NDC80: variants seen among roughly 807,000 people sequenced by gnomAD.
NDC80 encodes the protein NDC80 kinetochore complex component.
In NDC80, 69 loss-of-function variants were observed where a neutral mutation model predicts 89.3. That is an observed-to-expected ratio of 0.77 (90% CI 0.64 to 0.94). The LOEUF (loss-of-function observed/expected upper bound fraction) is 0.94, where lower values mean the gene tolerates loss of function less well. NDC80 is among the 40% of genes least tolerant of loss of function. The probability of loss-of-function intolerance (pLI) is 0.00; values close to 1 mark genes in which losing one functional copy is unlikely to be tolerated. For synonymous variants in NDC80, 243 were observed against 255.6 expected, an observed-to-expected ratio of 0.95 and a Z score of 0.47; for missense variants, 593 against 739.6, an observed-to-expected ratio of 0.80 and a Z score of 2.30.
intron 2 of NDC80, among the ~76,000 whole-genome samples, 185 bp downstream of exon 2, chr18:2,573,271 TTG>T (rs1399345851): frequency 6.6e-6 from 1 of 152,216 alleles, no homozygotes; most frequent in Non-Finnish European, 1.5e-5. Flanking sequence ...TAGGTGTTGT[TTG>T]TGTCATTTGT....
chr18:2,610,646 AT>A (rs2072738128), intron 15 of NDC80, 112 bp from the exon 16 acceptor site: 1 of 570,390 alleles, frequency 1.8e-6, no homozygotes, highest in African/African-American at 1.9e-5. Context: ...TATGCAGCAC[AT>A]AAATCAATCA....
chr18:2,593,762 T>A, intron 10 of NDC80: 1 of 237,568 alleles, frequency 4.2e-6, no homozygotes, highest in Non-Finnish European at 8.6e-6. Flanking sequence ...CAAAGTAAGA[T>A]GATTTTCCTG....
At chr18:2,610,968 A>C in intron 16 of NDC80, 107 bp downstream of exon 16, 1 of 719,144 alleles carries the variant, frequency 1.4e-6, no homozygotes, top group Non-Finnish European at 2.0e-6. Flanking sequence ...TTTCTATTTA[A>C]AGTATGATCT....
intron 7 of NDC80, among the ~76,000 whole-genome samples, chr18:2,586,984 T>C (rs2072605828): frequency 6.6e-6 from 1 of 152,222 alleles, no homozygotes; most frequent in African/African-American, 2.4e-5. Flanking sequence ...TTAAGGAAAC[T>C]GATTCAGTCT....
intron 10 of NDC80, among the ~76,000 whole-genome samples, chr18:2,593,212 G>T (rs572179173): frequency 6.6e-6 from 1 of 151,812 alleles, no homozygotes; most frequent in African/African-American, 2.4e-5. Flanking sequence ...GTGCCACCAC[G>T]CCTGGCTAAT....
At chr18:2,575,373 T>C (rs2072541151) in intron 3 of NDC80, among the ~76,000 whole-genome samples, 1 of 152,194 alleles carries the variant, frequency 6.6e-6, no homozygotes, top group African/African-American at 2.4e-5. Context: ...GCCATGCCTG[T>C]AATCCCAGCG....
rs1203254717 is a variant in NDC80, at chr18:2,614,625, GA to G, written c.1792-1809del. On this transcript the variant is annotated intron_variant, in intron 16 of 16. Coordinates refer to ENST00000261597, the MANE Select transcript of NDC80 (RefSeq NM_006101.3). The stretch of plus-strand genomic sequence containing the variant: ...AGAAAGAAAGAAAGAAAGAAAGAAA[GA>G]AAGAAAGAAAGAAAGAAAGAAAGAA... Among the ~76,000 whole-genome samples the G allele has an allele frequency of 8.3e-3, 117 of 14,026 alleles. 17 individuals are homozygous for G. Among genetic ancestry groups the G allele is most frequent in the Non-Finnish European group, 0.01 (79 of 7,634 alleles). 9.2% of individuals were successfully genotyped at this position (14,026 alleles called of 152,430 possible). A position where few individuals can be genotyped will look rare whatever the true frequency, so the allele number is the denominator to read the frequency against.
In NDC80 at chr18:2,614,775, G is replaced by A. The variant is rs114820784; in HGVS notation, c.1792-1662G>A. Among the ~76,000 whole-genome samples, 756 of 152,274 alleles carry A rather than the reference G, an allele frequency of 5.0e-3. 5 individuals carry two copies. The highest frequency in any genetic ancestry group is 0.018 in the African/African-American group (729 of 41,532). ...GAATAGTGCCCCCCGCAAAAGTCAT[G>A]TCTATCCTAAATCACAGAAGGTGAG... On this transcript the variant is annotated intron_variant, in intron 16 of 16. Transcript: ENST00000261597.
chr18:2,581,878 C>A (rs1010570473), intron 6 of NDC80, among the ~76,000 whole-genome samples: 2 of 152,048 alleles, frequency 1.3e-5, no homozygotes, highest in African/African-American at 4.8e-5. Context: ...CAGATTTTAA[C>A]AAAATCTTGT....
chr18:2,585,232 T>C, intron 7 of NDC80, 30 bp downstream of exon 7: 1 of 1,499,206 alleles, frequency 6.7e-7, no homozygotes, highest in Non-Finnish European at 9.3e-7. Flanking sequence ...ACTGTAATAA[T>C]GAATTGCCTT....
At chr18:2,607,965 G>GTATGTATA (rs1555618975) in intron 14 of NDC80, among the ~76,000 whole-genome samples, 1 of 68,152 alleles carries the variant, frequency 1.5e-5, no homozygotes, top group Non-Finnish European at 2.7e-5. Context: ...TATATACATA[G>GTATGTATA]TATATATATA....
At chr18:2,607,470 G>A (rs1222380750) in intron 14 of NDC80, among the ~76,000 whole-genome samples, 2 of 152,082 alleles carry the variant, frequency 1.3e-5, no homozygotes, top group Non-Finnish European at 2.9e-5. Context: ...TGTTCAGACT[G>A]GAAAATACTG....
chr18:2,605,294 G>A (rs2072705284), intron 13 of NDC80, among the ~76,000 whole-genome samples: 1 of 143,212 alleles, frequency 7.0e-6, no homozygotes, highest in African/African-American at 2.9e-5. Flanking sequence ...GTGTGTGTGT[G>A]TGTGTGTGTG....
intron 11 of NDC80, 140 bp from the exon 12 acceptor site, chr18:2,598,879 C>A: frequency 1.3e-6 from 1 of 774,260 alleles, no homozygotes; most frequent in Non-Finnish European, 1.9e-6. Flanking sequence ...AACTGCTACT[C>A]TTACTGCTAA....
At chr18:2,609,254 T>C (rs2072730327) in intron 15 of NDC80, among the ~76,000 whole-genome samples, 1 of 152,210 alleles carries the variant, frequency 6.6e-6, no homozygotes. Context: ...CTATAAATTA[T>C]AGTCAGTCTA....
intron 5 of NDC80, 145 bp downstream of exon 5, chr18:2,578,286 G>T: frequency 1.7e-5 from 12 of 725,306 alleles, no homozygotes; most frequent in East Asian, 8.5e-5. Flanking sequence ...AAATTGAAGA[G>T]AAAAAAAGCA....
chr18:2,577,904 G>GT (rs1245076899), intron 4 of NDC80, 35 bp downstream of exon 4: 1 of 1,610,598 alleles, frequency 6.2e-7, no homozygotes, highest in East Asian at 2.2e-5. Flanking sequence ...TGTGATTGTT[G>GT]TCATAGGTAT....
intron 10 of NDC80, chr18:2,594,500 C>T: frequency 6.1e-6 from 1 of 163,864 alleles, no homozygotes. Context: ...ACCCACTATA[C>T]TGTGATGATG....
intron 7 of NDC80, among the ~76,000 whole-genome samples, 160 bp from the exon 8 acceptor site, chr18:2,587,670 A>C (rs2072608891): frequency 6.6e-6 from 1 of 152,186 alleles, no homozygotes; most frequent in African/African-American, 2.4e-5. Context: ...ATATAGCATA[A>C]TTATATAGCC....
Sources: gnomAD v4.1 joint callset for allele counts (sites outside exome capture counted in the v4.1 genomes callset) on GRCh38, gnomAD v4.1.1 for gene constraint, MANE v1.5 for transcripts, NCBI Gene and HGNC (gene_info 2026-07-23, HGNC 2026-07-21) for gene names.